Variants in RAB21 observed in about 807,000 individuals in gnomAD.
RAB21 encodes RAB21, member RAS oncogene family, also known as ras-related protein Rab-21.
RAB21 carries 13 observed loss-of-function variants against 33.1 expected under a neutral mutation model. The ratio of observed to expected loss-of-function variants is 0.39; its 90% CI spans 0.26 to 0.62. The LOEUF is 0.62. RAB21 is among the 20% of genes least tolerant of loss of function. The pLI, the probability that RAB21 is intolerant of heterozygous loss-of-function variation, is 0.48. For synonymous variants in RAB21, 91 were observed against 103.7 expected, an observed-to-expected ratio of 0.88 and a Z score of 0.74; for missense variants, 234 against 279.1, an observed-to-expected ratio of 0.84 and a Z score of 1.15.
intron 1 of RAB21, among the ~76,000 whole-genome samples, chr12:71,767,537 C>A (rs987219858): frequency 4.0e-5 from 6 of 151,768 alleles, no homozygotes; most frequent in African/African-American, 1.2e-4. Flanking sequence ...ACCAGGGAAG[C>A]TTTGGGAAGA....
rs1207868154 is a variant in RAB21 at position 71,796,687 on chromosome 12, A to C, written c.*11014A>C. The C allele has an allele frequency of 7.3e-6, 1 of 137,880 alleles. No individual in the cohort carries two copies. The highest frequency in any genetic ancestry group is 1.5e-5 in the Non-Finnish European group (1 of 66,076). 8.5% of individuals were successfully genotyped at this position (137,880 alleles called of 1,614,324 possible). On this transcript the variant is annotated 3_prime_UTR_variant, in exon 7 of 7. Transcript: ENST00000261263. Reference sequence around the variant, plus strand: ...TGTCCCCCTCATGTTGTACCTAATAAGTGTGTAGTTTTTAAGTGAAATCAT... The same window carrying C: ...TGTCCCCCTCATGTTGTACCTAATACGTGTGTAGTTTTTAAGTGAAATCAT...
chr12:71,773,486 A>C (rs77382972), intron 3 of RAB21, among the ~76,000 whole-genome samples: 1 of 151,254 alleles, frequency 6.6e-6, no homozygotes, highest in African/African-American at 2.4e-5. Context: ...TTAGCACTCT[A>C]ATTTTTTTTG....
At chr12:71,782,241 G>C (rs926674217) in intron 5 of RAB21, among the ~76,000 whole-genome samples, 156 bp downstream of exon 5, 2 of 152,292 alleles carry the variant, frequency 1.3e-5, no homozygotes, top group Admixed American at 6.5e-5. Flanking sequence ...TTCTGGGCTT[G>C]TGGCAATAAA....
At chr12:71,771,159 A>C (rs1214581673) in intron 3 of RAB21, among the ~76,000 whole-genome samples, 6 of 152,204 alleles carry the variant, frequency 3.9e-5, no homozygotes, top group Admixed American at 2.0e-4. Context: ...CTCCTTGCCA[A>C]ATATAATAAA....
intron 1 of RAB21, among the ~76,000 whole-genome samples, chr12:71,769,287 A>G (rs779773295): frequency 3.3e-5 from 5 of 152,188 alleles, no homozygotes; most frequent in African/African-American, 7.2e-5. Flanking sequence ...TTATTTCTCT[A>G]GTAGAGTATA....
Position 71,794,007 on chromosome 12 carries a change from C to A in RAB21, c.*8334C>A, listed in dbSNP as rs1467972533. ...AGGTGGGTGGATGGATCCCTTAAACCCAGGAATTCAAGACCAGTGTAGACA... is the reference window on the plus strand; with the variant it reads ...AGGTGGGTGGATGGATCCCTTAAACACAGGAATTCAAGACCAGTGTAGACA... On this transcript the variant is annotated 3_prime_UTR_variant, in exon 7 of 7. Transcript: ENST00000261263. The A allele has an allele frequency of 2.0e-5, 3 of 151,932 alleles. No individual in the cohort carries two copies. The highest frequency in any genetic ancestry group is 2.9e-5 in the Non-Finnish European group (2 of 68,026). 9.4% of individuals were successfully genotyped at this position (151,932 alleles called of 1,614,324 possible).
rs1592656083 is a variant in RAB21 at position 71,797,995 on chromosome 12, G to A, written c.*12322G>A. On this transcript the variant is annotated 3_prime_UTR_variant, in exon 7 of 7. Coordinates refer to ENST00000261263, the MANE Select transcript of RAB21 (RefSeq NM_014999.4). ...TCAGAGAATTTTTAAAGATTTTAGT[G>A]TGGTAAAGGATTTCCTGAATTTGAT... 1.3e-5 allele frequency: 2 copies of A among 152,108 alleles called. No individual in the cohort carries two copies. The highest frequency in any genetic ancestry group is 1.5e-5 in the Non-Finnish European group (1 of 68,022). 9.4% of individuals were successfully genotyped at this position (152,108 alleles called of 1,614,324 possible).
chr12:71,761,790 CT>C (rs1319457888), intron 1 of RAB21, among the ~76,000 whole-genome samples: 1 of 151,966 alleles, frequency 6.6e-6, no homozygotes, highest in Non-Finnish European at 1.5e-5. Flanking sequence ...TTTTGAGACA[CT>C]TGGCTTTTAT....
intron 6 of RAB21, among the ~76,000 whole-genome samples, chr12:71,784,623 A>G (rs985941380): frequency 2.6e-5 from 4 of 152,112 alleles, no homozygotes; most frequent in Admixed American, 6.6e-5. Context: ...TCAAGAGACC[A>G]TATCTACGGG....
At chr12:71,777,333 T>C (rs556138755) in intron 4 of RAB21, among the ~76,000 whole-genome samples, 1 of 152,250 alleles carries the variant, frequency 6.6e-6, no homozygotes, top group Non-Finnish European at 1.5e-5. Flanking sequence ...TTTTTGACTT[T>C]ACATTATGTG....
intron 6 of RAB21, 143 bp downstream of exon 6, chr12:71,782,801 C>A: frequency 3.6e-6 from 2 of 559,514 alleles, no homozygotes; most frequent in South Asian, 6.3e-5. Context: ...TTCTGAAGTG[C>A]TGTAACTATT....
chr12:71,769,657 A>G (rs1293386572), intron 1 of RAB21, 143 bp from the exon 2 acceptor site: 14 of 358,478 alleles, frequency 3.9e-5, no homozygotes, highest in South Asian at 9.7e-5. Context: ...TAATGAAACA[A>G]TTTCGATCAT....
In RAB21 at chr12:71,798,020, T is replaced by C. The variant is rs1388013736; in HGVS notation, c.*12347T>C. ...GTGGTAAAGGATTTCCTGAATTTGATATAAAATTTGGAATAGAATTTACAA... is the reference window on the plus strand; with the variant it reads ...GTGGTAAAGGATTTCCTGAATTTGACATAAAATTTGGAATAGAATTTACAA... On this transcript the variant is annotated 3_prime_UTR_variant, in exon 7 of 7. Transcript: ENST00000261263. 1 of 152,190 alleles carries C rather than the reference T, an allele frequency of 6.6e-6. No homozygotes were observed. Among genetic ancestry groups the C allele is most frequent in the Admixed American group, 6.6e-5 (1 of 15,262 alleles). 9.4% of individuals were successfully genotyped at this position (152,190 alleles called of 1,614,324 possible).
chr12:71,779,330 T>C (rs559094647), intron 4 of RAB21, among the ~76,000 whole-genome samples: 1 of 152,184 alleles, frequency 6.6e-6, no homozygotes, highest in South Asian at 2.1e-4. Context: ...TGCGGTGGTG[T>C]GTGCCTGTAG....
chr12:71,792,349 G>A lies in RAB21; in HGVS notation c.*6676G>A, dbSNP rs1252215485. The A allele has an allele frequency of 1.3e-5, 2 of 152,118 alleles. No homozygotes were observed. Among genetic ancestry groups the A allele is most frequent in the African/African-American group, 4.8e-5 (2 of 41,424 alleles). The allele number at this position is 152,118 out of a possible 1,614,324, so 9.4% of individuals were successfully genotyped here. A position where few individuals can be genotyped will look rare whatever the true frequency, so the allele number is the denominator to read the frequency against. ...GCTATCCTCTGTGGAAATAGGGTTG[G>A]GAAAGAGCAATGTACAAGTCCAAGC... On this transcript the variant is annotated 3_prime_UTR_variant, in exon 7 of 7. Coordinates refer to ENST00000261263, the MANE Select transcript of RAB21 (RefSeq NM_014999.4).
chr12:71,759,071 T>G (rs985975728), intron 1 of RAB21, among the ~76,000 whole-genome samples: 3 of 152,268 alleles, frequency 2.0e-5, no homozygotes, highest in African/African-American at 7.2e-5. Context: ...ATCTCTCAGA[T>G]TCTCTTTTCT....
chr12:71,793,401 T>C lies in RAB21; in HGVS notation c.*7728T>C, dbSNP rs988293077. ...GGTCAGAAAGATGGTTTAATGAATATGAATTTTCTAAACATCTTTTCAGTG... is the reference window on the plus strand; with the variant it reads ...GGTCAGAAAGATGGTTTAATGAATACGAATTTTCTAAACATCTTTTCAGTG... On this transcript the variant is annotated 3_prime_UTR_variant, in exon 7 of 7. Coordinates refer to ENST00000261263, the MANE Select transcript of RAB21 (RefSeq NM_014999.4). 4.6e-5 allele frequency: 7 copies of C among 152,310 alleles called. No individual in the cohort carries two copies. The highest frequency in any genetic ancestry group is 3.4e-3 in the Middle Eastern group (1 of 294). The allele number at this position is 152,310 out of a possible 1,614,324, so 9.4% of individuals were successfully genotyped here. A position where few individuals can be genotyped will look rare whatever the true frequency, so the allele number is the denominator to read the frequency against.
chr12:71,769,943 C>A, intron 2 of RAB21, 84 bp downstream of exon 2: 3 of 439,338 alleles, frequency 6.8e-6, no homozygotes, highest in Non-Finnish European at 3.7e-6. Flanking sequence ...TTAGCCAACA[C>A]TTTTTTTTTT....
rs779513517 is a variant in RAB21, at chr12:71,769,838, A to G, written c.198A>G (p.Lys66=). 3.6e-6 allele frequency: 5 copies of G among 1,389,630 alleles called. No individual in the cohort carries two copies. The highest frequency in any genetic ancestry group is 1.5e-5 in the African/African-American group (1 of 67,118). 86.1% of individuals were successfully genotyped at this position (1,389,630 alleles called of 1,614,324 possible). A position where few individuals can be genotyped will look rare whatever the true frequency, so the allele number is the denominator to read the frequency against. Residue 66 remains lysine (K), a synonymous_variant, in exon 2 of 7, where the codon AAA becomes AAG. Transcript: ENST00000261263. The part of the protein sequence containing the change: ...FLTKKLNIGG[K]RVNLAIWDTA... ...CAAAGAAGTTAAATATTGGTGGGAA[A>G]AGAGTAAACCTTGCCATATGGGTAA...
Sources: allele counts gnomAD v4.1 joint callset (sites outside exome capture counted in the v4.1 genomes callset), GRCh38; gene constraint gnomAD v4.1.1; transcripts MANE v1.5; gene names NCBI Gene and HGNC (gene_info 2026-07-23, HGNC 2026-07-21).